The following CLASP1 variants were observed in gnomAD, a reference collection of about 807,000 sequenced individuals.
The protein encoded by CLASP1 is cytoplasmic linker associated protein 1.
Under a neutral mutation model 192.3 loss-of-function variants are expected in CLASP1, and 38 were observed. The ratio of observed to expected loss-of-function variants is 0.20; its 90% confidence interval spans 0.15 to 0.26. CLASP1 has a LOEUF of 0.26. CLASP1 is among the 10% of genes least tolerant of loss of function. CLASP1 has a pLI of 1.00. For missense variants in CLASP1, 1,433 were observed against 1,932.5 expected, an observed-to-expected ratio of 0.74 and a Z score of 4.85; for synonymous variants, 691 against 712.8, an observed-to-expected ratio of 0.97 and a Z score of 0.49.
In CLASP1 at chr2:121,541,377, T is replaced by C. The variant is rs78685652; in HGVS notation, c.196-11052A>G. On this transcript the variant is annotated intron_variant, in intron 2 of 39. Transcript: ENST00000263710. ...GTACTCTCACAATAATCCTGAGATATAGAATATATTATCCTTATTTTGGAA... is the reference window on the plus strand; with the variant it reads ...GTACTCTCACAATAATCCTGAGATACAGAATATATTATCCTTATTTTGGAA... 3.3e-5 allele frequency among the ~76,000 whole-genome samples: 5 copies of C among 152,158 alleles called. No individual in the cohort carries two copies. In the East Asian group the frequency reaches 5.8e-4, roughly 18 times the overall value.
At chr2:121,424,128 A>C (rs72967380) in intron 22 of CLASP1, among the ~76,000 whole-genome samples, 28 of 151,984 alleles carry the variant, frequency 1.8e-4, no homozygotes, top group Non-Finnish European at 3.5e-4. Context: ...CCTAGCAAGA[A>C]ATCTGGGGTG....
chr2:121,608,974 T>C (rs926770421), intron 1 of CLASP1, among the ~76,000 whole-genome samples: 3 of 152,252 alleles, frequency 2.0e-5, no homozygotes, highest in Non-Finnish European at 4.4e-5. Context: ...TCTTCAACTC[T>C]ATAAAGTAGG....
At chr2:121,538,855 A>C (rs1211006288) in intron 2 of CLASP1, among the ~76,000 whole-genome samples, 3 of 152,140 alleles carry the variant, frequency 2.0e-5, no homozygotes, top group African/African-American at 7.2e-5. Context: ...TACAAAGCCA[A>C]TATATATGAA....
At chr2:121,376,280 T>A (rs1010812757) in intron 34 of CLASP1, among the ~76,000 whole-genome samples, 1 of 152,178 alleles carries the variant, frequency 6.6e-6, no homozygotes, top group Non-Finnish European at 1.5e-5. Flanking sequence ...TCAATCTAAG[T>A]GTCCCTCAAC....
chr2:121,574,754 T>A (rs1244891988), intron 2 of CLASP1, among the ~76,000 whole-genome samples: 1 of 151,408 alleles, frequency 6.6e-6, no homozygotes, highest in East Asian at 2.0e-4. Context: ...CTGGCCAACA[T>A]GATGAAACCC....
At chr2:121,510,779 CAGAG>C (rs969424696) in intron 7 of CLASP1, among the ~76,000 whole-genome samples, 61 of 152,094 alleles carry the variant, frequency 4.0e-4, no homozygotes, top group African/African-American at 1.4e-3. Flanking sequence ...GCCTGGGCAA[CAGAG>C]AGAGATCCTG....
chr2:121,640,707 A>G (rs1282288478), intron 1 of CLASP1, among the ~76,000 whole-genome samples: 1 of 152,208 alleles, frequency 6.6e-6, no homozygotes, highest in Non-Finnish European at 1.5e-5. Context: ...GGGATAAATG[A>G]AAAGCATGCT....
At chr2:121,478,894 CA>C (rs1233185189) in intron 8 of CLASP1, among the ~76,000 whole-genome samples, 47 of 21,770 alleles carry the variant, frequency 2.2e-3, no homozygotes, top group Non-Finnish European at 4.1e-3. Context: ...ACACCACACA[CA>C]CACACCACAC....
At chr2:121,392,442 T>C (rs546663043) in intron 30 of CLASP1, among the ~76,000 whole-genome samples, 1 of 152,350 alleles carries the variant, frequency 6.6e-6, no homozygotes, top group East Asian at 1.9e-4. Flanking sequence ...TTATGAAATT[T>C]AATCTTCTCA....
exon 35 of CLASP1, chr2:121,367,594 G>T: frequency 6.2e-7 from 1 of 1,614,032 alleles, no homozygotes. Context: ...CAACCGTCTC[G>T]AAGCTGCTCC....
chr2:121,581,341 C>T (rs2061137225), intron 2 of CLASP1, among the ~76,000 whole-genome samples: 1 of 138,992 alleles, frequency 7.2e-6, no homozygotes. Context: ...GTGGCGCAAT[C>T]TCGGCTCACT....
chr2:121,509,316 C>G (rs539684877), intron 7 of CLASP1, among the ~76,000 whole-genome samples: 1 of 152,314 alleles, frequency 6.6e-6, no homozygotes, highest in Non-Finnish European at 1.5e-5. Flanking sequence ...GCTAGGACCA[C>G]AGGCACACGC....
At chr2:121,384,007 T>C (rs2165159) in intron 32 of CLASP1, among the ~76,000 whole-genome samples, 42,851 of 139,828 alleles carry the variant, frequency 0.31, 8,145 homozygotes, top group East Asian at 0.63. Flanking sequence ...TATATATATA[T>C]ACACACACAC....
At chr2:121,493,184 A>G (rs2093392656) in intron 8 of CLASP1, among the ~76,000 whole-genome samples, 1 of 152,234 alleles carries the variant, frequency 6.6e-6, no homozygotes, top group Admixed American at 6.5e-5. Context: ...CAGAATAGCC[A>G]AAGTCATCCT....
chr2:121,599,054 G>A (rs1302334425), intron 2 of CLASP1, among the ~76,000 whole-genome samples: 7 of 151,774 alleles, frequency 4.6e-5, no homozygotes, highest in East Asian at 3.9e-4. Context: ...TAGTAGATAC[G>A]GGGTTTCACC....
At chr2:121,509,802 C>T (rs1221422314) in intron 7 of CLASP1, among the ~76,000 whole-genome samples, 1 of 152,156 alleles carries the variant, frequency 6.6e-6, no homozygotes, top group Admixed American at 6.5e-5. Context: ...TGTACTACTG[C>T]ACTCCAGCCT....
At chr2:121,567,307 C>T (rs181131227) in intron 2 of CLASP1, among the ~76,000 whole-genome samples, 183 of 152,332 alleles carry the variant, frequency 1.2e-3, no homozygotes, top group African/African-American at 4.2e-3. Flanking sequence ...CCCTTGCCCT[C>T]TGGGAGCTTC....
At chr2:121,589,588 C>A (rs1219930785) in intron 2 of CLASP1, among the ~76,000 whole-genome samples, 1 of 151,018 alleles carries the variant, frequency 6.6e-6, no homozygotes, top group Non-Finnish European at 1.5e-5. Context: ...CAAGGCCGTA[C>A]CATTGCACTC....
chr2:121,527,811 G>A (rs1470141868), exon 5 of CLASP1: 3 of 1,613,004 alleles, frequency 1.9e-6, no homozygotes, highest in East Asian at 2.2e-5. Flanking sequence ...ATTGAGTGTT[G>A]CTATAAGGCA....
Sources: allele counts gnomAD v4.1 joint callset (sites outside exome capture counted in the v4.1 genomes callset), GRCh38; gene constraint gnomAD v4.1.1; transcripts MANE v1.5; gene names NCBI Gene and HGNC (gene_info 2026-07-23, HGNC 2026-07-21).